CCDC171: variants seen among roughly 807,000 people sequenced by gnomAD.
The protein encoded by CCDC171 is coiled-coil domain-containing protein 171.
In CCDC171, 177 loss-of-function variants were observed where a neutral mutation model predicts 168.2. The observed-to-expected ratio is 1.05, with a 90% CI of 0.93 to 1.19. CCDC171 has a LOEUF of 1.19. Ranked by LOEUF, CCDC171 falls within the 50% of genes most tolerant of loss-of-function variation. The pLI is 0.00. For missense variants in CCDC171, 1,991 were observed against 1,539.0 expected, an observed-to-expected ratio of 1.29 and a Z score of -4.91; for synonymous variants, 687 against 540.8, an observed-to-expected ratio of 1.27 and a Z score of -3.75.
chr9:15,612,272 G>A (rs576194494), intron 6 of CCDC171, among the ~76,000 whole-genome samples: 46 of 152,006 alleles, frequency 3.0e-4, no homozygotes, highest in African/African-American at 9.9e-4. Flanking sequence ...CTTTTTTTCC[G>A]CATTTAGAAA....
At position 15,661,296 on chromosome 9, in the gene CCDC171, A is replaced by AAAAC. The variant is rs1554742205; in HGVS notation, c.915+4080_915+4081insCAAA. ...CTCCGTCTCAAAAAAAAAAAAAAAAAAAAAGTAACATGCTGTTTTTTGACT... is the reference window on the plus strand; with the variant it reads ...CTCCGTCTCAAAAAAAAAAAAAAAAAAAACAAAAGTAACATGCTGTTTTTTGACT... On this transcript the variant is annotated intron_variant, in intron 8 of 25. Transcript: ENST00000380701. 7.8e-3 allele frequency among the ~76,000 whole-genome samples: 1,098 copies of AAAAC among 141,470 alleles called. 45 individuals are homozygous for AAAAC. Among genetic ancestry groups the AAAAC allele is most frequent in the African/African-American group, 9.9e-3 (367 of 37,228 alleles). The allele number at this position is 141,470 out of a possible 152,430, so 92.8% of individuals were successfully genotyped here. A position where few individuals can be genotyped will look rare whatever the true frequency, so the allele number is the denominator to read the frequency against.
At chr9:15,943,603 C>T (rs1390616419) in intron 25 of CCDC171, among the ~76,000 whole-genome samples, 1 of 151,968 alleles carries the variant, frequency 6.6e-6, no homozygotes, top group Non-Finnish European at 1.5e-5. Context: ...AGCACCCACA[C>T]TGTACCTGAC....
intron 22 of CCDC171, among the ~76,000 whole-genome samples, chr9:15,847,734 A>G (rs1279075482): frequency 6.6e-6 from 1 of 152,116 alleles, no homozygotes; most frequent in Non-Finnish European, 1.5e-5. Flanking sequence ...GTCAGATATG[A>G]ATATAGTCTG....
intron 24 of CCDC171, among the ~76,000 whole-genome samples, chr9:15,894,474 C>T (rs1053552638): frequency 6.6e-6 from 1 of 152,014 alleles, no homozygotes; most frequent in Non-Finnish European, 1.5e-5. Context: ...CCATTCCTCC[C>T]TTCTTATACA....
intron 4 of CCDC171, among the ~76,000 whole-genome samples, chr9:15,582,375 T>C: frequency 2.0e-5 from 3 of 152,190 alleles, no homozygotes; most frequent in Non-Finnish European, 4.4e-5. Flanking sequence ...AGTGTGGCGA[T>C]TCCTCAAGGA....
intron 11 of CCDC171, among the ~76,000 whole-genome samples, chr9:15,719,528 G>C (rs2053334916): frequency 6.6e-6 from 1 of 151,738 alleles, no homozygotes; most frequent in South Asian, 2.1e-4. Flanking sequence ...GAAGGTTATA[G>C]AACACCAAGC....
chr9:15,818,950 T>G (rs1240103643), intron 21 of CCDC171, among the ~76,000 whole-genome samples: 2 of 116,908 alleles, frequency 1.7e-5, no homozygotes, highest in African/African-American at 3.2e-5. Flanking sequence ...AGAGAAAGGT[T>G]GGGTTACCCA....
intron 7 of CCDC171, 110 bp from the exon 8 acceptor site, chr9:15,657,017 A>T: frequency 2.1e-6 from 1 of 470,788 alleles, no homozygotes; most frequent in East Asian, 3.5e-5. Context: ...AAAAAAAATG[A>T]GGCTGCAAGT....
At position 15,585,328 on chromosome 9, in the gene CCDC171, T is replaced by G. The variant is rs111308038; in HGVS notation, c.353-6038T>G. Among the ~76,000 whole-genome samples, 273 of 152,248 alleles carry G rather than the reference T, an allele frequency of 1.8e-3. 1 individual carries two copies. The highest frequency in any genetic ancestry group is 6.3e-3 in the African/African-American group (262 of 41,550). On this transcript the variant is annotated intron_variant, in intron 4 of 25. Coordinates refer to ENST00000380701, the MANE Select transcript of CCDC171 (RefSeq NM_173550.4). Reference sequence around the variant, plus strand: ...AACTCCATTCATGGTGGTCCAAAGTTGGGGAAAAAGACATTCATTAACAAG... The same window carrying G: ...AACTCCATTCATGGTGGTCCAAAGTGGGGGAAAAAGACATTCATTAACAAG...
chr9:15,843,027 T>C (rs1169477440), intron 21 of CCDC171, among the ~76,000 whole-genome samples: 1 of 152,014 alleles, frequency 6.6e-6, no homozygotes, highest in Non-Finnish European at 1.5e-5. Flanking sequence ...TTTGTATCCA[T>C]ACTTTTCCTG....
chr9:15,907,043 G>T lies in CCDC171; in HGVS notation c.3601-13227G>T, dbSNP rs377195160. ...AATGGAAGAACATTCCATGCTCATGGGTAGGAAGAATCAATATCGTGAAAA... is the reference window on the plus strand; with the variant it reads ...AATGGAAGAACATTCCATGCTCATGTGTAGGAAGAATCAATATCGTGAAAA... On this transcript the variant is annotated intron_variant, in intron 24 of 25. Coordinates refer to ENST00000380701, the MANE Select transcript of CCDC171 (RefSeq NM_173550.4). Among the ~76,000 whole-genome samples the T allele has an allele frequency of 1.0e-3, 154 of 152,190 alleles. 1 individual carries two copies. Among genetic ancestry groups the T allele is most frequent in the East Asian group, 9.3e-3 (48 of 5,182 alleles).
chr9:15,987,489 A>T (rs527577660), intron 3 of CCDC171, among the ~76,000 whole-genome samples: 5 of 152,216 alleles, frequency 3.3e-5, no homozygotes, highest in African/African-American at 1.2e-4. Flanking sequence ...AAAGATAAAC[A>T]TTTTAATTTA....
intron 3 of CCDC171, among the ~76,000 whole-genome samples, chr9:15,993,706 G>A (rs562559449): frequency 6.6e-6 from 1 of 152,206 alleles, no homozygotes; most frequent in South Asian, 2.1e-4. Context: ...CTGACAAAGG[G>A]CTAATATCCA....
At chr9:15,931,482 G>C (rs1161543080) in intron 25 of CCDC171, among the ~76,000 whole-genome samples, 1 of 47,966 alleles carries the variant, frequency 2.1e-5, no homozygotes, top group Admixed American at 2.6e-4. Context: ...TTTTTTTGCT[G>C]TTGAGTTGTT....
chr9:16,060,027 A>G (rs1005963388), intron 1 of CCDC171, among the ~76,000 whole-genome samples: 6 of 152,250 alleles, frequency 3.9e-5, no homozygotes, highest in Non-Finnish European at 8.8e-5. Context: ...GGAAAAACAA[A>G]TAAAAAGCAA....
chr9:15,710,672 T>C (rs1240985176), intron 11 of CCDC171, among the ~76,000 whole-genome samples: 1 of 152,100 alleles, frequency 6.6e-6, no homozygotes. Flanking sequence ...CTCAGCTCAC[T>C]GCAACCTCCA....
Position 15,744,567 on chromosome 9 carries a change from A to G in CCDC171, c.2344A>G (p.Lys782Glu), listed in dbSNP as rs1254495864. Residue 782 changes from lysine to glutamate, a missense_variant, in exon 17 of 26, where the codon AAG (lysine) becomes GAG (glutamate). By Grantham distance (56) the Lys-to-Glu change is moderately conservative. Coordinates refer to ENST00000380701, the MANE Select transcript of CCDC171 (RefSeq NM_173550.4). ...CCAGGCTTTGTCAACTGTAGAGGAA[A>G]AGAAGCAAGAGGAAGCCAAGATGAA... ...LAQALSTVEE[K>E]KQEEAKMKKK... is the part of the protein sequence containing the mutation. The G allele has an allele frequency of 4.3e-6, 7 of 1,614,110 alleles. No homozygotes were observed. The highest frequency in any genetic ancestry group is 4.5e-5 in the East Asian group (2 of 44,890).
chr9:15,970,505 T>C (rs961135558), intron 25 of CCDC171, among the ~76,000 whole-genome samples: 1 of 152,156 alleles, frequency 6.6e-6, no homozygotes, highest in African/African-American at 2.4e-5. Context: ...TGGAAAATTA[T>C]GTCATACAAT....
chr9:15,791,077 C>T (rs1284581281), intron 21 of CCDC171, among the ~76,000 whole-genome samples: 1 of 152,100 alleles, frequency 6.6e-6, no homozygotes, highest in Non-Finnish European at 1.5e-5. Flanking sequence ...CTTGGCGATG[C>T]GGGCTCTTTT....
Sources: allele counts gnomAD v4.1 joint callset (sites outside exome capture counted in the v4.1 genomes callset), GRCh38; gene constraint gnomAD v4.1.1; transcripts MANE v1.5; gene names NCBI Gene and HGNC (gene_info 2026-07-23, HGNC 2026-07-21).